Variants in PTPN14 observed in about 807,000 individuals in gnomAD.
PTPN14 encodes the protein tyrosine-protein phosphatase non-receptor type 14.
In PTPN14, 53 loss-of-function variants were observed where a neutral mutation model predicts 126.8. The observed-to-expected ratio is 0.42, with a 90% CI of 0.34 to 0.53. PTPN14 has a LOEUF of 0.53. Ranked by LOEUF, PTPN14 falls within the 20% of genes least tolerant of loss-of-function variation. The probability of loss-of-function intolerance (pLI) is 0.08; values close to 1 mark genes in which losing one functional copy is unlikely to be tolerated. For synonymous variants in PTPN14, 630 were observed against 599.3 expected (o/e 1.05, Z -0.75); for missense variants, 1,257 against 1,552.9 (o/e 0.81, Z 3.20).
intron 3 of PTPN14, among the ~76,000 whole-genome samples, chr1:214,437,010 AT>A (rs10582793): frequency 0.04 from 5,939 of 147,666 alleles, 357 homozygotes; most frequent in African/African-American, 0.13. Flanking sequence ...GCCTCTCTGT[AT>A]TTTTTTTTTT....
In PTPN14 at chr1:214,351,381, C is replaced by T. The variant is rs1467823140; in HGVS notation, c.*6541G>A. On this transcript the variant is annotated 3_prime_UTR_variant, in exon 19 of 19. Coordinates refer to ENST00000366956, the MANE Select transcript of PTPN14 (RefSeq NM_005401.5). ...ATGGAATGAAGAGGGTGACAGCACA[C>T]AACAGTCCCACCCGTTCCCCTGAAC... 2.0e-5 allele frequency: 3 copies of T among 150,952 alleles called. No individual in the cohort carries two copies. Among genetic ancestry groups the T allele is most frequent in the Non-Finnish European group, 4.4e-5 (3 of 67,944 alleles). 9.4% of individuals were successfully genotyped at this position (150,952 alleles called of 1,614,324 possible). A position where few individuals can be genotyped will look rare whatever the true frequency, so the allele number is the denominator to read the frequency against.
chr1:214,526,478 T>C (rs1655401043), intron 1 of PTPN14, among the ~76,000 whole-genome samples: 1 of 151,704 alleles, frequency 6.6e-6, no homozygotes, highest in Non-Finnish European at 1.5e-5. Flanking sequence ...CCAAGGAGAC[T>C]GACTACCCTT....
At chr1:214,463,065 A>G (rs1480454211) in intron 2 of PTPN14, among the ~76,000 whole-genome samples, 1 of 152,232 alleles carries the variant, frequency 6.6e-6, no homozygotes, top group East Asian at 1.9e-4. Flanking sequence ...AATAAATGAC[A>G]GAAGAGTAAG....
At chr1:214,395,719 T>C (rs1469481653) in intron 8 of PTPN14, among the ~76,000 whole-genome samples, 1 of 151,776 alleles carries the variant, frequency 6.6e-6, no homozygotes, top group African/African-American at 2.4e-5. Flanking sequence ...GATAAGCTAC[T>C]GCTTCCCATC....
At chr1:214,471,364 G>C (rs1660755740) in intron 1 of PTPN14, among the ~76,000 whole-genome samples, 1 of 152,106 alleles carries the variant, frequency 6.6e-6, no homozygotes, top group Admixed American at 6.5e-5. Context: ...AACCAGAGAG[G>C]GGCAGAATGA....
At chr1:214,529,159 T>A (rs1655476607) in intron 1 of PTPN14, 1 of 151,880 alleles carries the variant, frequency 6.6e-6, no homozygotes, top group South Asian at 2.1e-4. Context: ...AAAATTAAAA[T>A]TAAAAAATTT....
At position 214,464,782 on chromosome 1, in the gene PTPN14, G is replaced by A. The variant is rs529225480; in HGVS notation, c.22C>T (p.Arg8Cys). The A allele has an allele frequency of 5.0e-6, 8 of 1,614,272 alleles. No homozygotes were observed. Among genetic ancestry groups the A allele is most frequent in the Middle Eastern group, 1.6e-4 (1 of 6,062 alleles). ...AGGACGTTGTAGCGCCGTGTCCGGC[G>A]GAGCTTCAGACCAAAAGGCATGGCT... MPFGLKL[R>C]RTRRYNVLSK... Residue 8 changes from arginine (R) to cysteine (C), a missense_variant, in exon 2 of 19, where the codon CGC (arginine) becomes TGC (cysteine). Arg to Cys is a radical substitution (Grantham distance 180). Transcript: ENST00000366956.
At position 214,383,952 on chromosome 1, in the gene PTPN14, C is replaced by T. The variant is rs772692361; in HGVS notation, c.1903G>A (p.Gly635Ser). 9 of 1,612,802 alleles carry T rather than the reference C, an allele frequency of 5.6e-6. 1 individual carries two copies. The highest frequency in any genetic ancestry group is 3.3e-5 in the South Asian group (3 of 91,076). The change falls in exon 13 of 19, where the codon GGC becomes AGC. Residue 635 changes from glycine to serine, a missense_variant. By Grantham distance (56) the Gly-to-Ser change is moderately conservative. Coordinates refer to ENST00000366956, the MANE Select transcript of PTPN14 (RefSeq NM_005401.5). This position sits in a 1 kb window ranked among gnomAD's most constrained non-coding sequence, Gnocchi z 4.4. ...AGGCTGTGGCGCTTGTTCACAGTGC[C>T]GTGGTGCTTGGTGGCCGTGAGGGGC... ...SEPLTATKHH[G>S]TVNKRHSLEV...
At chr1:214,546,594 G>A (rs907007885) in intron 1 of PTPN14, among the ~76,000 whole-genome samples, 25 of 152,096 alleles carry the variant, frequency 1.6e-4, no homozygotes, top group African/African-American at 5.1e-4. Flanking sequence ...CAATCTAAAC[G>A]TGAAGAGGAT....
chr1:214,427,276 C>CAAAA (rs5741915), intron 3 of PTPN14, among the ~76,000 whole-genome samples: 84 of 65,170 alleles, frequency 1.3e-3, no homozygotes, highest in Non-Finnish European at 1.9e-3. Context: ...GTCTCCATCT[C>CAAAA]AAAAAAAAAA....
chr1:214,384,762 C>T lies in PTPN14; in HGVS notation c.1093G>A (p.Ala365Thr), dbSNP rs376896570. The change falls in exon 13 of 19, where the codon GCC (alanine) becomes ACC (threonine). Residue 365 changes from alanine (A) to threonine (T), a missense_variant. Around this residue, in one of 3 missense-constraint regions of PTPN14, gnomAD observed 1,021 missense variants for 1,183.3 expected, o/e 0.86. Coordinates refer to ENST00000366956, the MANE Select transcript of PTPN14 (RefSeq NM_005401.5). The surrounding 1 kb of genome is among the most constrained non-coding windows in gnomAD (Gnocchi z 5.3). Reference protein sequence around the residue: ...QDSIFHGNEEALYCNSHNSLD... With the variant: ...QDSIFHGNEETLYCNSHNSLD... ...CTGTTGTGAGAGTTGCAATACAAGG[C>T]TTCTTCATTCCCATGAAAAATGCTG... 3 of 1,613,366 alleles carry T rather than the reference C, an allele frequency of 1.9e-6. No homozygotes were observed. The highest frequency in any genetic ancestry group is 1.1e-5 in the South Asian group (1 of 91,010).
intron 3 of PTPN14, among the ~76,000 whole-genome samples, chr1:214,415,836 A>C (rs1382564576): frequency 6.6e-6 from 1 of 152,116 alleles, no homozygotes; most frequent in Non-Finnish European, 1.5e-5. Flanking sequence ...GGTGGGAAAA[A>C]CCTATACTCA....
chr1:214,451,685 C>A, intron 3 of PTPN14, 120 bp downstream of exon 3: 1 of 1,178,410 alleles, frequency 8.5e-7, no homozygotes, highest in Middle Eastern at 2.4e-4. Flanking sequence ...TACCCTCTCC[C>A]CCACCACACA....
intron 18 of PTPN14, among the ~76,000 whole-genome samples, chr1:214,360,534 T>C (rs1414221022): frequency 6.6e-6 from 1 of 152,182 alleles, no homozygotes; most frequent in Admixed American, 6.5e-5. Context: ...CACCTAATAA[T>C]GAACTTAATT....
chr1:214,520,061 A>AT lies in PTPN14; in HGVS notation c.-155+31121_-155+31122insA, dbSNP rs1479124640. ...AAACCCTGTCTCAAAAAAAAAAAAA[A>AT]AAAAATATATATATATATATATGCA... On this transcript the variant is annotated intron_variant, in intron 1 of 18. Coordinates refer to ENST00000366956, the MANE Select transcript of PTPN14 (RefSeq NM_005401.5). Among the ~76,000 whole-genome samples, 513 of 79,962 alleles carry AT rather than the reference A, an allele frequency of 6.4e-3. 1 individual carries two copies. The highest frequency in any genetic ancestry group is 0.015 in the Middle Eastern group (2 of 132). The allele number at this position is 79,962 out of a possible 152,430, so 52.5% of individuals were successfully genotyped here.
At chr1:214,426,285 C>A (rs946435656) in intron 3 of PTPN14, among the ~76,000 whole-genome samples, 1 of 151,886 alleles carries the variant, frequency 6.6e-6, no homozygotes, top group African/African-American at 2.4e-5. Context: ...GTGATTTCTG[C>A]CAAAATCATG....
chr1:214,532,229 A>C, intron 1 of PTPN14: 1 of 388,680 alleles, frequency 2.6e-6, no homozygotes, highest in Non-Finnish European at 4.9e-6. Flanking sequence ...TTCTCCACCA[A>C]TTACTGGTCC....
intron 3 of PTPN14, among the ~76,000 whole-genome samples, chr1:214,441,745 C>T (rs1660040711): frequency 6.6e-6 from 1 of 152,162 alleles, no homozygotes; most frequent in Non-Finnish European, 1.5e-5. Flanking sequence ...CTTCATATAG[C>T]TTCTGTTGTT....
intron 1 of PTPN14, among the ~76,000 whole-genome samples, chr1:214,525,913 T>C (rs1415789166): frequency 1.3e-5 from 2 of 151,938 alleles, no homozygotes; most frequent in African/African-American, 4.8e-5. Context: ...CCCAGAGTAG[T>C]TTCATCTTAC....
Sources: allele counts gnomAD v4.1 joint callset (sites outside exome capture counted in the v4.1 genomes callset), GRCh38; gene constraint gnomAD v4.1.1; regional missense constraint gnomAD v4.1.1; non-coding constraint Gnocchi (gnomAD v3.1); transcripts MANE v1.5; gene names NCBI Gene and HGNC (gene_info 2026-07-23, HGNC 2026-07-21).